CFP: variants seen among roughly 807,000 people sequenced by gnomAD.
CFP encodes the protein properdin.
Under a neutral mutation model 42.1 loss-of-function variants are expected in CFP, and 14 were observed. The observed-to-expected ratio is 0.33, with a 90% CI of 0.22 to 0.52. The LOEUF (loss-of-function observed/expected upper bound fraction) is 0.52, where lower values mean the gene tolerates loss of function less well. Among genes scored for constraint, CFP ranks in the 20% least tolerant of loss-of-function variants. CFP has a pLI of 0.96. For missense variants in CFP, 318 were observed against 400.4 expected (o/e 0.79, Z 1.76); for synonymous variants, 149 against 160.6 (o/e 0.93, Z 0.54).
At chrX:47,624,539 CTTTTT>C (rs11385461) in intron 8 of CFP, 99 bp from the exon 9 acceptor site, 23 of 304,741 alleles carry the variant, frequency 7.5e-5, no homozygotes, top group East Asian at 2.7e-4. Context: ...CCGAGGGCTA[CTTTTT>C]TTTTTTTTTT....
Position 47,624,036 on chromosome X carries a change from G to A in CFP, c.*239C>T. On this transcript the variant is annotated 3_prime_UTR_variant, in exon 9 of 9. Coordinates refer to ENST00000396992, the MANE Select transcript of CFP (RefSeq NM_001145252.3). ...TATGGCAGCGGCGGGGAGAGGCTGG[G>A]ACTGCACACTCGCTTTCACTCCTGC... 2.4e-6 allele frequency: 1 copy of A among 419,996 alleles called. No homozygotes were observed. The highest frequency in any genetic ancestry group is 4.2e-6 in the Non-Finnish European group (1 of 236,745). 34.6% of individuals were successfully genotyped at this position (419,996 alleles called of 1,213,427 possible).
rs2057968284 is a variant in CFP, at chrX:47,626,332, G to A, written c.1128C>T (p.Cys376=). 1 of 1,208,488 alleles carries A rather than the reference G, an allele frequency of 8.3e-7. No homozygotes were observed. The highest frequency in any genetic ancestry group is 1.8e-5 in the African/African-American group (1 of 57,131). The change falls in exon 7 of 9, where the codon TGC becomes TGT. Residue 376 remains cysteine (C), a synonymous_variant. Coordinates refer to ENST00000396992, the MANE Select transcript of CFP (RefSeq NM_001145252.3). The part of the protein sequence containing the change: ...DIRHCYSIQH[C]PLKGSWSEWS... ...CACAGTCTGTGGGACACTCACAGGG[G>A]CAGTGCTGGATGCTGTAGCAGTGCC...
At position 47,629,654 on chromosome X, in the gene CFP, A is replaced by T; in HGVS notation, c.97T>A (p.Phe33Ile). The T allele has an allele frequency of 8.9e-7, 1 of 1,118,694 alleles. No homozygotes were observed. Among genetic ancestry groups the T allele is most frequent in the Non-Finnish European group, 1.2e-6 (1 of 840,572 alleles). 92.2% of individuals were successfully genotyped at this position (1,118,694 alleles called of 1,213,427 possible). A position where few individuals can be genotyped will look rare whatever the true frequency, so the allele number is the denominator to read the frequency against. The change falls in exon 2 of 9, where the codon TTC (phenylalanine) becomes ATC (isoleucine). Residue 33 changes from phenylalanine (F) to isoleucine (I), a missense_variant. Phe to Ile is a conservative substitution (Grantham distance 21, BLOSUM62 0). Coordinates refer to ENST00000396992, the MANE Select transcript of CFP (RefSeq NM_001145252.3). ...CCGGAGGATTCTTCATACTGGGTGA[A>T]GCAGAGCACGGGGTCTGAGCCTGTA... is the stretch of plus-strand genomic sequence containing the variant. Reference protein sequence around the residue: ...PATGSDPVLCFTQYEESSGKC... With the variant: ...PATGSDPVLCITQYEESSGKC...
At chrX:47,628,685 G>T (rs888782675) in intron 2 of CFP, 5 of 298,072 alleles carry the variant, frequency 1.7e-5, no homozygotes, top group Non-Finnish European at 3.2e-5. Flanking sequence ...AATAACCCCA[G>T]ATCTATCCCC....
chrX:47,626,085 A>G lies in CFP; in HGVS notation c.1217T>C (p.Leu406Pro). 8.5e-7 allele frequency: 1 copy of G among 1,178,531 alleles called. No homozygotes were observed. Among genetic ancestry groups the G allele is most frequent in the Non-Finnish European group, 1.1e-6 (1 of 878,005 alleles). Reference sequence around the variant, plus strand: ...GTACTTGGGGAGCAAGGGTGTGCAGAGGCGCTGGCGGGCACGGGTAGGATT... The same window carrying G: ...GTACTTGGGGAGCAAGGGTGTGCAGGGGCGCTGGCGGGCACGGGTAGGATT... ...GPNPTRARQR[L>P]CTPLLPKYPP... Residue 406 changes from leucine (L) to proline (P), a missense_variant, in exon 8 of 9, where the codon CTC becomes CCC. Leu to Pro is a moderately conservative substitution (Grantham distance 98). Coordinates refer to ENST00000396992, the MANE Select transcript of CFP (RefSeq NM_001145252.3).
Position 47,626,147 on chromosome X carries a change from C to T in CFP, c.1155G>A (p.Trp385Ter). 2.6e-6 allele frequency: 3 copies of T among 1,174,545 alleles called. No homozygotes were observed. Among genetic ancestry groups the T allele is most frequent in the Non-Finnish European group, 3.4e-6 (3 of 875,463 alleles). ...GGGGCATGCACAGCCCCCAGGTACT[C>T]CACTCTGACCATGATCCTTTCACTG... ...HCPLKGSWSE[W>*]STWGLCMPPC... is the part of the protein sequence containing the mutation. Residue 385 changes from tryptophan (W) to a stop codon, truncating the protein, a stop_gained, in exon 8 of 9, where the codon TGG becomes TGA. Transcript: ENST00000396992. LOFTEE classifies it high-confidence loss of function.
Position 47,628,273 on chromosome X carries a change from G to C in CFP, c.232C>G (p.Pro78Ala), listed in dbSNP as rs888859690. 3.2e-5 allele frequency: 39 copies of C among 1,204,860 alleles called. No homozygotes were observed. The highest frequency in any genetic ancestry group is 4.1e-5 in the Non-Finnish European group (37 of 892,417). The change falls in exon 3 of 9, where the codon CCA becomes GCA. Residue 78 changes from proline to alanine, a missense_variant. Transcript: ENST00000396992. ...CATGTGGACCACAGGGACCATCGTG[G>C]GGACCTGTGGAGAAGAGCACACACA... ...SGGLCQPCRS[P>A]RWSLWSTWAP...
rs572510420 is a variant in CFP at position 47,627,162 on chromosome X, T to A, written c.745A>T (p.Thr249Ser). 5.0e-6 allele frequency: 6 copies of A among 1,211,660 alleles called. No homozygotes were observed. Among genetic ancestry groups the A allele is most frequent in the African/African-American group, 1.7e-5 (1 of 57,907 alleles). ...GTACCTGGGCAGGGTGGCAGGCCGG[T>A]GCACCTCCGCTGCTCGTAGGCTAGC... Reference protein sequence around the residue: ...PGLAYEQRRCTGLPPCPVAGG... With the variant: ...PGLAYEQRRCSGLPPCPVAGG... The change falls in exon 5 of 9, where the codon ACC (threonine) becomes TCC (serine). Residue 249 changes from threonine to serine, a missense_variant. Coordinates refer to ENST00000396992, the MANE Select transcript of CFP (RefSeq NM_001145252.3).
intron 2 of CFP, 105 bp from the exon 3 acceptor site, chrX:47,628,382 G>C: frequency 1.3e-6 from 1 of 794,315 alleles, no homozygotes; most frequent in South Asian, 2.2e-5. Flanking sequence ...GCAAGTGCGT[G>C]TGCGATGGAT....
At chrX:47,630,179 C>G, upstream of CFP, 1 of 308,938 alleles carries the variant, frequency 3.2e-6, no homozygotes, top group South Asian at 4.8e-5. Context: ...GCCGTGTGAC[C>G]TTGGGTGAGT....
In CFP at chrX:47,627,451, C is replaced by A; in HGVS notation, c.574+20G>T. The stretch of plus-strand genomic sequence containing the variant: ...CACGCTGGGTGCACCCATCAGCATC[C>A]TGTGGCTTCCCTCACTCACTGGGGC... On this transcript the variant is annotated intron_variant, in intron 4 of 8. Transcript: ENST00000396992. The A allele has an allele frequency of 8.3e-7, 1 of 1,211,441 alleles. No homozygotes were observed. Among genetic ancestry groups the A allele is most frequent in the Non-Finnish European group, 1.1e-6 (1 of 895,044 alleles).
In CFP at chrX:47,624,353, C is replaced by A. The variant is rs141133000; in HGVS notation, c.1332G>T (p.Gly444=). 7.0e-5 allele frequency: 85 copies of A among 1,207,111 alleles called. No homozygotes were observed. The African/African-American group carries it at 1.5e-3, about 21-fold the overall frequency. ...RPLPRCEELQ[G]QKLVVEEKRP... is the part of the protein sequence containing the mutation. ...GTTTCTCCTCCACCACCAGCTTCTG[C>A]CCTTGTAGCTCCTCACACCGTGGCA... The change falls in exon 9 of 9, where the codon GGG becomes GGT. Residue 444 remains glycine (G), a synonymous_variant. Transcript: ENST00000396992.
intron 4 of CFP, 56 bp downstream of exon 4, chrX:47,627,415 C>T: frequency 1.7e-6 from 2 of 1,201,986 alleles, no homozygotes; most frequent in Non-Finnish European, 2.3e-6. Context: ...CCTGCTGTAA[C>T]CCCGCAGACC....
chrX:47,629,498 ATCCCCC>A lies in CFP; in HGVS notation c.227+20_227+25del. On this transcript the variant is annotated intron_variant, in intron 2 of 8. Coordinates refer to ENST00000396992, the MANE Select transcript of CFP (RefSeq NM_001145252.3). ...CACAGACAGTCCTTCCCTCCCCCCC[ATCCCCC>A]ACCCCAGGCTCCCCCTAACCTGCAA... The A allele has an allele frequency of 2.2e-5, 6 of 270,816 alleles. No individual in the cohort carries two copies. Among genetic ancestry groups the A allele is most frequent in the Admixed American group, 6.0e-5 (1 of 16,666 alleles). The allele number at this position is 270,816 out of a possible 1,213,427, so 22.3% of individuals were successfully genotyped here.
At chrX:47,627,444 C>T (rs748506327) in intron 4 of CFP, 27 bp downstream of exon 4, 1 of 1,210,998 alleles carries the variant, frequency 8.3e-7, no homozygotes, top group South Asian at 1.8e-5. Context: ...GTGCACCCAT[C>T]AGCATCCTGT....
chrX:47,624,520 T>TCAGGCCCTAGGG, intron 8 of CFP, 80 bp from the exon 9 acceptor site: 1 of 791,012 alleles, frequency 1.3e-6, no homozygotes, highest in Non-Finnish European at 1.8e-6. Flanking sequence ...ATTGAGTGCC[T>TCAGGCCCTAGGG]GCTATATGCC....
chrX:47,629,486 T>TGCCGGCC, intron 2 of CFP, 38 bp downstream of exon 2: 1 of 669,644 alleles, frequency 1.5e-6, no homozygotes, highest in Non-Finnish European at 2.3e-6. Flanking sequence ...AGACAGTCCT[T>TGCCGGCC]CCCTCCCCCC....
In CFP at chrX:47,629,536, C is replaced by T. The variant is rs1297625602; in HGVS notation, c.215G>A (p.Cys72Tyr). Residue 72 changes from cysteine (C) to tyrosine (Y), a missense_variant, in exon 2 of 9, where the codon TGT (cysteine) becomes TAT (tyrosine). Coordinates refer to ENST00000396992, the MANE Select transcript of CFP (RefSeq NM_001145252.3). Reference sequence around the variant, plus strand: ...GGCTCCCCCTAACCTGCAAGGCTGACAGAGCCCACCACTACGTTTCTGGTA... The same window carrying T: ...GGCTCCCCCTAACCTGCAAGGCTGATAGAGCCCACCACTACGTTTCTGGTA... ...FAYQKRSGGL[C>Y]QPCRSPRWSL... is the part of the protein sequence containing the mutation. 2 of 1,118,698 alleles carry T rather than the reference C, an allele frequency of 1.8e-6. No homozygotes were observed. Among genetic ancestry groups the T allele is most frequent in the Non-Finnish European group, 2.4e-6 (2 of 835,676 alleles). 92.2% of individuals were successfully genotyped at this position (1,118,698 alleles called of 1,213,427 possible).
At chrX:47,628,487 G>A (rs1334844380) in intron 2 of CFP, 2 of 473,862 alleles carry the variant, frequency 4.2e-6, no homozygotes, top group East Asian at 3.9e-5. Flanking sequence ...TTCACAATCA[G>A]GCATCTGGAG....
Sources: gnomAD v4.1 joint callset for allele counts on GRCh38, gnomAD v4.1.1 for gene constraint, MANE v1.5 for transcripts, NCBI Gene and HGNC (gene_info 2026-07-23, HGNC 2026-07-21) for gene names.